The following MACROH2A1 variants were observed in gnomAD, a reference collection of about 807,000 sequenced individuals.
The protein encoded by MACROH2A1 is core histone macro-H2A.1.
MACROH2A1 carries 2 observed loss-of-function variants against 31.6 expected under a neutral mutation model. The observed-to-expected ratio is 0.06, with a 90% confidence interval of 0.03 to 0.20. The LOEUF is 0.20. Among genes scored for constraint, MACROH2A1 ranks in the 10% least tolerant of loss-of-function variants. The probability of loss-of-function intolerance (pLI) is 1.00; values close to 1 mark genes in which losing one functional copy is unlikely to be tolerated. For missense variants in MACROH2A1, 230 were observed against 474.0 expected, an observed-to-expected ratio of 0.49 and a Z score of 4.78; for synonymous variants, 169 against 189.6, an observed-to-expected ratio of 0.89 and a Z score of 0.89.
chr5:135,397,705 G>A (rs1272575823), intron 1 of MACROH2A1, among the ~76,000 whole-genome samples: 1 of 152,206 alleles, frequency 6.6e-6, no homozygotes, highest in Non-Finnish European at 1.5e-5. Flanking sequence ...CTAGTTAAAT[G>A]TGTACAATGG....
chr5:135,390,547 A>G (rs1244298021), intron 1 of MACROH2A1, among the ~76,000 whole-genome samples: 1 of 152,208 alleles, frequency 6.6e-6, no homozygotes, highest in Non-Finnish European at 1.5e-5. Context: ...GAGAGGGGAT[A>G]TGAGGGGCCT....
At chr5:135,338,899 C>G (rs1759279251) in intron 8 of MACROH2A1, among the ~76,000 whole-genome samples, 1 of 152,194 alleles carries the variant, frequency 6.6e-6, no homozygotes. Context: ...CCTCTCTAAG[C>G]ATTAATTTCC....
chr5:135,382,555 T>C (rs1294698768), intron 2 of MACROH2A1, among the ~76,000 whole-genome samples: 1 of 151,860 alleles, frequency 6.6e-6, no homozygotes, highest in African/African-American at 2.4e-5. Context: ...CTAGATAACA[T>C]AGGAGAAAAT....
intron 1 of MACROH2A1, among the ~76,000 whole-genome samples, chr5:135,393,572 G>A (rs1767549875): frequency 6.6e-6 from 1 of 152,202 alleles, no homozygotes; most frequent in African/African-American, 2.4e-5. Context: ...CACCTCTGCA[G>A]GGCAGTGAAG....
At chr5:135,358,886 T>C in intron 5 of MACROH2A1, 1 of 985,254 alleles carries the variant, frequency 1.0e-6, no homozygotes. Context: ...GTTGAGTTGC[T>C]GAGAGCTGAC....
upstream of MACROH2A1, chr5:135,399,322 GC>G (rs1768540743): frequency 1.3e-5 from 2 of 151,880 alleles, no homozygotes; most frequent in African/African-American, 4.8e-5. The surrounding 1 kb of genome is among the most constrained non-coding windows in gnomAD (Gnocchi z 4.5). Flanking sequence ...CCGCGCCCGT[GC>G]CGCCCGGCGC....
chr5:135,380,281 G>T (rs182687042), intron 2 of MACROH2A1, among the ~76,000 whole-genome samples: 14 of 152,312 alleles, frequency 9.2e-5, no homozygotes, highest in Admixed American at 9.2e-4. Context: ...GCTCTGATGT[G>T]AGGCACGTCA....
intron 5 of MACROH2A1, chr5:135,359,032 T>C (rs1004032388): frequency 9.1e-6 from 9 of 985,302 alleles, no homozygotes; most frequent in Non-Finnish European, 9.6e-6. Context: ...GAAGGGCATC[T>C]GCATTTTGCA....
At chr5:135,363,267 G>A (rs572358744) in intron 4 of MACROH2A1, among the ~76,000 whole-genome samples, 6 of 152,120 alleles carry the variant, frequency 3.9e-5, no homozygotes, top group African/African-American at 9.7e-5. Context: ...GCCTTAGAAA[G>A]TAGTAAAGCA....
intron 2 of MACROH2A1, among the ~76,000 whole-genome samples, chr5:135,375,291 G>A (rs116525348): frequency 0.012 from 1,849 of 152,242 alleles, 16 homozygotes; most frequent in Middle Eastern, 0.017. Context: ...TGGGCCAAAC[G>A]TTCCCCAGCT....
intron 8 of MACROH2A1, among the ~76,000 whole-genome samples, chr5:135,338,986 G>A (rs1759298765): frequency 6.6e-6 from 1 of 152,158 alleles, no homozygotes; most frequent in Non-Finnish European, 1.5e-5. Context: ...CAGTACTGCG[G>A]CCACCATCAG....
At chr5:135,361,548 G>A (rs760119056) in intron 4 of MACROH2A1, 1 of 152,216 alleles carries the variant, frequency 6.6e-6, no homozygotes, top group Non-Finnish European at 1.5e-5. Flanking sequence ...TAAGGATAGT[G>A]AGAACAACAT....
At chr5:135,360,837 C>T in intron 4 of MACROH2A1, 1 of 671,772 alleles carries the variant, frequency 1.5e-6, no homozygotes, top group Non-Finnish European at 2.7e-6. Context: ...AAAAAACCAG[C>T]CACTTAAAGG....
rs1352319622 is a variant in MACROH2A1, at chr5:135,334,868, AC to A, written c.*107del. 6 of 923,248 alleles carry A rather than the reference AC, an allele frequency of 6.5e-6. No homozygotes were observed. The East Asian group carries it at 1.5e-4, about 22-fold the overall frequency. 57.2% of individuals were successfully genotyped at this position (923,248 alleles called of 1,614,324 possible). On this transcript the variant is annotated 3_prime_UTR_variant, in exon 9 of 9. Transcript: ENST00000511689. ...GCCTTATTTTCCCTAGATGAGCAAA[AC>A]TGAAAATGAAAGGGGTCCCACCTCC...
chr5:135,367,108 C>CTTTA lies in MACROH2A1; in HGVS notation c.477+2294_477+2297dup. Reference sequence around the variant, plus strand: ...AAAATACCAACTCTCACTACAAGTGCTTTAGCATGTTACTAAGGCTTTCTC... The same window carrying CTTTA: ...AAAATACCAACTCTCACTACAAGTGCTTTATTTAGCATGTTACTAAGGCTTTCTC... On this transcript the variant is annotated intron_variant, in intron 4 of 8. Transcript: ENST00000511689. Among the ~76,000 whole-genome samples, 7 of 152,334 alleles carry CTTTA rather than the reference C, an allele frequency of 4.6e-5. 1 individual carries two copies. The highest frequency in any genetic ancestry group is 4.6e-4 in the Admixed American group (7 of 15,308).
rs57605717 is a variant in MACROH2A1 at position 135,351,543 on chromosome 5, A to ATTTTTTTTTTTTTTT, written c.688+1388_688+1402dup. 15 of 48,494 alleles carry ATTTTTTTTTTTTTTT rather than the reference A, an allele frequency of 3.1e-4. 2 individuals are homozygous for ATTTTTTTTTTTTTTT. Among genetic ancestry groups the ATTTTTTTTTTTTTTT allele is most frequent in the African/African-American group, 6.2e-4 (8 of 13,008 alleles). 3.0% of individuals were successfully genotyped at this position (48,494 alleles called of 1,614,324 possible). A position where few individuals can be genotyped will look rare whatever the true frequency, so the allele number is the denominator to read the frequency against. ...TAGCCTATCTTATTTTTATGGTTTA[A>ATTTTTTTTTTTTTTT]TTTTTTTTTTTTTTTTTTTTTTTTT... On this transcript the variant is annotated intron_variant, in intron 6 of 8. Coordinates refer to ENST00000511689, the MANE Select transcript of MACROH2A1 (RefSeq NM_138610.3).
chr5:135,357,948 G>T, intron 5 of MACROH2A1: 12 of 985,094 alleles, frequency 1.2e-5, no homozygotes, highest in Non-Finnish European at 1.4e-5. Context: ...CTCCACCCCA[G>T]CTTGCTTGCA....
At chr5:135,350,087 C>G (rs1415646113) in intron 6 of MACROH2A1, among the ~76,000 whole-genome samples, 2 of 152,210 alleles carry the variant, frequency 1.3e-5, no homozygotes, top group Non-Finnish European at 2.9e-5. Flanking sequence ...TGCCAGGAAT[C>G]TGCAGCCTCA....
In MACROH2A1 at chr5:135,360,559, C is replaced by T. The variant is rs2149802658; in HGVS notation, c.526G>A (p.Glu176Lys). The T allele has an allele frequency of 6.2e-7, 1 of 1,614,076 alleles. No individual in the cohort carries two copies. The highest frequency in any genetic ancestry group is 8.5e-7 in the Non-Finnish European group (1 of 1,179,966). The change falls in exon 5 of 9, where the codon GAG (glutamate) becomes AAG (lysine). Residue 176 changes from glutamate to lysine, a missense_variant. Glu to Lys is a moderately conservative substitution (Grantham distance 56). Transcript: ENST00000511689. ...GTGAAGCCGTCGGCAGGTGTGCCCT[C>T]GGTTGTGCTGTCGGCGCTGGCTGCC... ...SKAASADSTT[E>K]GTPADGFTVL...
Sources: allele counts gnomAD v4.1 joint callset (sites outside exome capture counted in the v4.1 genomes callset), GRCh38; gene constraint gnomAD v4.1.1; non-coding constraint Gnocchi (gnomAD v3.1); transcripts MANE v1.5; gene names NCBI Gene and HGNC (gene_info 2026-07-23, HGNC 2026-07-21).